KCNQ1: variants seen among roughly 807,000 people sequenced by gnomAD.
KCNQ1 encodes potassium voltage-gated channel subfamily Q member 1.
KCNQ1 carries 49 observed loss-of-function variants against 72.4 expected under a neutral mutation model. The observed-to-expected ratio is 0.68, with a 90% CI of 0.54 to 0.86. KCNQ1 has a LOEUF of 0.86. Among genes scored for constraint, KCNQ1 ranks in the 40% least tolerant of loss-of-function variants. The pLI is 0.00. For missense variants in KCNQ1, 790 were observed against 945.1 expected (o/e 0.84, Z 2.15); for synonymous variants, 450 against 412.6 (o/e 1.09, Z -1.10).
At chr11:2,697,187 C>T (rs1318862395) in intron 11 of KCNQ1, 3 of 398,468 alleles carry the variant, frequency 7.5e-6, no homozygotes, top group Non-Finnish European at 1.3e-5. Context: ...TTAAACATTT[C>T]TTAGTTTTAA....
intron 11 of KCNQ1, among the ~76,000 whole-genome samples, chr11:2,733,617 A>G (rs1845888492): frequency 6.6e-6 from 1 of 151,916 alleles, no homozygotes; most frequent in Non-Finnish European, 1.5e-5. Context: ...CACGGTGGGC[A>G]CCTTGAGAGG....
Position 2,735,149 on chromosome 11 carries a change from G to A in KCNQ1, c.1515-33695G>A, listed in dbSNP as rs1028184802. ...AAAACGTGTGAAACCTGACAGCAGC[G>A]CCGCAGCAGGACAGGGAGGGACTGT... On this transcript the variant is annotated intron_variant, in intron 11 of 15. Transcript: ENST00000155840. The surrounding 1 kb of genome is among the most constrained non-coding windows in gnomAD (Gnocchi z 7.7). Among the ~76,000 whole-genome samples, 5 of 152,272 alleles carry A rather than the reference G, an allele frequency of 3.3e-5. No individual in the cohort carries two copies. Among genetic ancestry groups the A allele is most frequent in the Middle Eastern group, 3.4e-3 (1 of 294 alleles).
intron 15 of KCNQ1, among the ~76,000 whole-genome samples, chr11:2,780,672 G>C (rs933947400): frequency 3.3e-5 from 5 of 152,204 alleles, no homozygotes; most frequent in African/African-American, 1.2e-4. Flanking sequence ...TGCACAGCTG[G>C]CTGGCACCCC....
intron 11 of KCNQ1, among the ~76,000 whole-genome samples, chr11:2,708,207 G>T (rs1850943577): frequency 6.6e-6 from 1 of 152,232 alleles, no homozygotes. Flanking sequence ...GAGAGCTCCT[G>T]AACCCACCGT....
intron 11 of KCNQ1, among the ~76,000 whole-genome samples, chr11:2,729,124 C>A (rs1270104288): frequency 6.6e-6 from 1 of 152,240 alleles, no homozygotes; most frequent in Non-Finnish European, 1.5e-5. Context: ...AACCCATGAG[C>A]TGGGCTCTCC....
At position 2,768,907 on chromosome 11, in the gene KCNQ1, G is replaced by A. The variant is rs1554919483; in HGVS notation, c.1578G>A (p.Lys526=). The A allele has an allele frequency of 6.2e-7, 1 of 1,613,920 alleles. No individual in the cohort carries two copies. The highest frequency in any genetic ancestry group is 1.3e-5 in the African/African-American group (1 of 75,028). The change falls in exon 12 of 16, where the codon AAG becomes AAA. Residue 526 remains lysine, a synonymous_variant. Coordinates refer to ENST00000155840, the MANE Select transcript of KCNQ1 (RefSeq NM_000218.3). The surrounding 1 kb of genome is among the most constrained non-coding windows in gnomAD (Gnocchi z 6.7). Reference sequence around the variant, plus strand: ...GACGCATGCAGTACTTTGTGGCCAAGAAGAAATTCCAGGTAAGCCCTGTGC... The same window carrying A: ...GACGCATGCAGTACTTTGTGGCCAAAAAGAAATTCCAGGTAAGCCCTGTGC... ...VIRRMQYFVA[K]KKFQQARKPY...
chr11:2,845,876 C>T (rs1431364075), intron 15 of KCNQ1, among the ~76,000 whole-genome samples: 1 of 152,218 alleles, frequency 6.6e-6, no homozygotes, highest in African/African-American at 2.4e-5. Context: ...CCTCTCACAG[C>T]ACCCTGTTGG....
chr11:2,798,903 G>T (rs967482740), intron 15 of KCNQ1, among the ~76,000 whole-genome samples: 1 of 152,178 alleles, frequency 6.6e-6, no homozygotes, highest in Non-Finnish European at 1.5e-5. Context: ...GGGGCTGGAG[G>T]AGCAGGAACA....
intron 11 of KCNQ1, among the ~76,000 whole-genome samples, chr11:2,719,791 G>A (rs982561156): frequency 7.2e-5 from 11 of 152,306 alleles, no homozygotes; most frequent in African/African-American, 2.6e-4. Flanking sequence ...GCAGAGCTTC[G>A]GAGCCAAACA....
chr11:2,630,175 T>C (rs945239473), intron 10 of KCNQ1: 1 of 398,372 alleles, frequency 2.5e-6, no homozygotes, highest in East Asian at 3.6e-5. Flanking sequence ...ATCAAAATGA[T>C]TGTATGATTT....
chr11:2,737,710 G>A (rs988569759), intron 11 of KCNQ1, among the ~76,000 whole-genome samples: 5 of 152,166 alleles, frequency 3.3e-5, no homozygotes, highest in Admixed American at 1.3e-4. Flanking sequence ...GTCCGAGCCC[G>A]GCAGGGATAT....
Position 2,654,075 on chromosome 11 carries a change from C to T in KCNQ1, c.1394-7886C>T. On this transcript the variant is annotated intron_variant, in intron 10 of 15. Transcript: ENST00000155840. This position sits in a 1 kb window ranked among gnomAD's most constrained non-coding sequence, Gnocchi z 6.4. ...TTGTGGGAATGGCTTTTACACTTTC[C>T]ATCCATGTCCCTTACTTCTCGCCTC... is the stretch of plus-strand genomic sequence containing the variant. 2.5e-6 allele frequency: 1 copy of T among 398,732 alleles called. No homozygotes were observed. The highest frequency in any genetic ancestry group is 6.3e-4 in the Middle Eastern group (1 of 1,588). 24.7% of individuals were successfully genotyped at this position (398,732 alleles called of 1,614,324 possible). A position where few individuals can be genotyped will look rare whatever the true frequency, so the allele number is the denominator to read the frequency against.
intron 2 of KCNQ1, among the ~76,000 whole-genome samples, chr11:2,539,663 C>T (rs191379044): frequency 1.3e-5 from 2 of 152,332 alleles, no homozygotes; most frequent in African/African-American, 2.4e-5. Flanking sequence ...GGCCAGTTCC[C>T]GTGTTTTCTC....
chr11:2,520,413 C>T (rs747621585), intron 1 of KCNQ1, among the ~76,000 whole-genome samples: 1 of 152,202 alleles, frequency 6.6e-6, no homozygotes, highest in South Asian at 2.1e-4. Context: ...CTGGCCCAGG[C>T]TCCATCCATG....
rs1848837808 is a variant in KCNQ1 at position 2,603,626 on chromosome 11, A to G, written c.1393+14772A>G. On this transcript the variant is annotated intron_variant, in intron 10 of 15. Coordinates refer to ENST00000155840, the MANE Select transcript of KCNQ1 (RefSeq NM_000218.3). This position sits in a 1 kb window ranked among gnomAD's most constrained non-coding sequence, Gnocchi z 4.1. Reference sequence around the variant, plus strand: ...CATTTTATATAAGTGGAATCATACAATGTATGGTCCTTTGTGACTGGTTAC... The same window carrying G: ...CATTTTATATAAGTGGAATCATACAGTGTATGGTCCTTTGTGACTGGTTAC... Among the ~76,000 whole-genome samples, 1 of 152,158 alleles carries G rather than the reference A, an allele frequency of 6.6e-6. No individual in the cohort carries two copies. Among genetic ancestry groups the G allele is most frequent in the African/African-American group, 2.4e-5 (1 of 41,434 alleles).
chr11:2,456,362 C>T (rs1020198939), intron 1 of KCNQ1, among the ~76,000 whole-genome samples: 3 of 151,750 alleles, frequency 2.0e-5, no homozygotes, highest in African/African-American at 7.2e-5. Context: ...TGAAAAAATC[C>T]TGGAAGAAAA....
chr11:2,675,999 T>C (rs1850287058), intron 11 of KCNQ1: 1 of 398,648 alleles, frequency 2.5e-6, no homozygotes, highest in Non-Finnish European at 4.4e-6. Context: ...CCAACCCTAA[T>C]TCCCAAGTTT....
intron 10 of KCNQ1, chr11:2,656,321 A>G: frequency 2.5e-6 from 1 of 398,700 alleles, no homozygotes; most frequent in African/African-American, 2.1e-5. Context: ...GCCAGGTCCC[A>G]GACCTGTGGG....
Position 2,458,073 on chromosome 11 carries a change from G to C in KCNQ1, c.386+12589G>C, listed in dbSNP as rs1219464231. 2.0e-5 allele frequency among the ~76,000 whole-genome samples: 3 copies of C among 152,098 alleles called. No individual in the cohort carries two copies. Among genetic ancestry groups the C allele is most frequent in the Non-Finnish European group, 4.4e-5 (3 of 68,022 alleles). On this transcript the variant is annotated intron_variant, in intron 1 of 15. Transcript: ENST00000155840. The surrounding 1 kb of genome is among the most constrained non-coding windows in gnomAD (Gnocchi z 4.6). The stretch of plus-strand genomic sequence containing the variant: ...CAGGTCTGTGGCAGAAGATGTGCAA[G>C]CTAAGCCTGGAGTATTCATCACAGC...
Sources: allele counts gnomAD v4.1 joint callset (sites outside exome capture counted in the v4.1 genomes callset), GRCh38; gene constraint gnomAD v4.1.1; non-coding constraint Gnocchi (gnomAD v3.1); transcripts MANE v1.5; gene names NCBI Gene and HGNC (gene_info 2026-07-23, HGNC 2026-07-21).